GRK3: variants seen among roughly 807,000 people sequenced by gnomAD.
GRK3 encodes G protein-coupled receptor kinase 3.
GRK3 carries 54 observed loss-of-function variants against 95.7 expected under a neutral mutation model. The observed-to-expected ratio is 0.56, with a 90% CI of 0.45 to 0.71. The LOEUF (loss-of-function observed/expected upper bound fraction) is 0.71. GRK3 is among the 30% of genes least tolerant of loss of function. The probability of loss-of-function intolerance (pLI) is 0.00; values close to 1 mark genes in which losing one functional copy is unlikely to be tolerated. For synonymous variants in GRK3, 281 were observed against 290.8 expected, an observed-to-expected ratio of 0.97 and a Z score of 0.34; for missense variants, 649 against 851.2, an observed-to-expected ratio of 0.76 and a Z score of 2.96.
At chr22:25,693,398 C>T (rs771478845) in intron 12 of GRK3, among the ~76,000 whole-genome samples, 5 of 152,176 alleles carry the variant, frequency 3.3e-5, no homozygotes, top group Non-Finnish European at 7.3e-5. Flanking sequence ...TTGTAGATAT[C>T]TTTCCATTCC....
intron 19 of GRK3, among the ~76,000 whole-genome samples, chr22:25,720,920 A>G (rs754105666): frequency 6.6e-6 from 1 of 152,214 alleles, no homozygotes; most frequent in African/African-American, 2.4e-5. Context: ...TTTGGCTCAC[A>G]TAAATCATAT....
chr22:25,654,687 G>A (rs548429102), intron 3 of GRK3, among the ~76,000 whole-genome samples: 2 of 152,202 alleles, frequency 1.3e-5, no homozygotes, highest in African/African-American at 2.4e-5. Flanking sequence ...GTCAAACACA[G>A]AGAAATCTCC....
rs1016299936 is a variant in GRK3 at position 25,724,529 on chromosome 22, A to G, written c.*2079A>G. 3.3e-5 allele frequency: 5 copies of G among 152,242 alleles called. No homozygotes were observed. Among genetic ancestry groups the G allele is most frequent in the African/African-American group, 1.2e-4 (5 of 41,462 alleles). 9.4% of individuals were successfully genotyped at this position (152,242 alleles called of 1,614,324 possible). On this transcript the variant is annotated 3_prime_UTR_variant, in exon 21 of 21. Coordinates refer to ENST00000324198, the MANE Select transcript of GRK3 (RefSeq NM_005160.4). ...ACTCCCTTTTAGAAAAGATATATGA[A>G]TTGGAAAATGCTCTGAAAGTCCTTT...
intron 6 of GRK3, 81 bp from the exon 7 acceptor site, chr22:25,672,215 C>T: frequency 1.4e-6 from 1 of 699,400 alleles, no homozygotes; most frequent in Non-Finnish European, 2.4e-6. Flanking sequence ...TAATGCCGTT[C>T]TAGTCTGTCT....
chr22:25,707,952 C>A (rs1055834559), intron 15 of GRK3, among the ~76,000 whole-genome samples: 1 of 152,030 alleles, frequency 6.6e-6, no homozygotes, highest in Non-Finnish European at 1.5e-5. Flanking sequence ...GGAATCACCA[C>A]CCCGGCCAGG....
At chr22:25,623,677 C>G (rs776740008) in intron 2 of GRK3, among the ~76,000 whole-genome samples, 1 of 152,116 alleles carries the variant, frequency 6.6e-6, no homozygotes, top group Non-Finnish European at 1.5e-5. Flanking sequence ...CACCTGGTGT[C>G]CTTTCCTCCC....
chr22:25,705,294 C>G (rs967454828), intron 15 of GRK3, among the ~76,000 whole-genome samples: 1 of 152,108 alleles, frequency 6.6e-6, no homozygotes, highest in Non-Finnish European at 1.5e-5. Context: ...ATGCTTAACC[C>G]GGTCTTGCCT....
At chr22:25,576,911 TAATA>T (rs1931922277) in intron 1 of GRK3, among the ~76,000 whole-genome samples, 1 of 152,196 alleles carries the variant, frequency 6.6e-6, no homozygotes, top group East Asian at 1.9e-4. Context: ...GTTAACTTAA[TAATA>T]AATACATTAA....
chr22:25,626,840 C>T (rs2084632022), intron 2 of GRK3, among the ~76,000 whole-genome samples: 2 of 152,208 alleles, frequency 1.3e-5, no homozygotes, highest in South Asian at 4.1e-4. Flanking sequence ...GGCAGTGGCA[C>T]CCATACCACC....
At chr22:25,589,903 A>G (rs1393990353) in intron 1 of GRK3, among the ~76,000 whole-genome samples, 1 of 151,450 alleles carries the variant, frequency 6.6e-6, no homozygotes, top group Non-Finnish European at 1.5e-5. Context: ...GTGCAGGGGA[A>G]CTCCCCTTTA....
At chr22:25,575,809 G>A (rs1199309577) in intron 1 of GRK3, among the ~76,000 whole-genome samples, 1 of 152,234 alleles carries the variant, frequency 6.6e-6, no homozygotes, top group Non-Finnish European at 1.5e-5. Flanking sequence ...TTTGAGGACA[G>A]CTGGTTTTCT....
At position 25,595,000 on chromosome 22, in the gene GRK3, A is replaced by G. The variant is rs367772132; in HGVS notation, c.114-9377A>G. ...TCATGTTAAAAATCCTGAACAAACT[A>G]GATATTGAAGGGACATACCTCAAAA... On this transcript the variant is annotated intron_variant, in intron 1 of 20. Transcript: ENST00000324198. Among the ~76,000 whole-genome samples, 5 of 152,340 alleles carry G rather than the reference A, an allele frequency of 3.3e-5. No homozygotes were observed. In the South Asian group the frequency reaches 1.0e-3, roughly 32 times the overall value.
intron 8 of GRK3, among the ~76,000 whole-genome samples, chr22:25,675,577 G>A (rs1468815082): frequency 3.9e-5 from 6 of 152,206 alleles, no homozygotes; most frequent in Non-Finnish European, 7.3e-5. Context: ...TGTTAGAGCA[G>A]TGGGCTTGGT....
rs114859989 is a variant in GRK3 at position 25,648,113 on chromosome 22, G to A, written c.264+3448G>A. 2.5e-3 allele frequency: 1,473 copies of A among 587,996 alleles called. 17 individuals carry two copies. Among genetic ancestry groups the A allele is most frequent in the African/African-American group, 0.024 (1,280 of 53,582 alleles). 36.4% of individuals were successfully genotyped at this position (587,996 alleles called of 1,614,324 possible). On this transcript the variant is annotated intron_variant, in intron 3 of 20. Transcript: ENST00000324198. Reference sequence around the variant, plus strand: ...CCTCGGCGACAAGAGCAAAAACTCCGTCTAAAAAACAAATAAGCAAACAGA... The same window carrying A: ...CCTCGGCGACAAGAGCAAAAACTCCATCTAAAAAACAAATAAGCAAACAGA...
intron 2 of GRK3, among the ~76,000 whole-genome samples, chr22:25,632,641 T>C (rs1027160898): frequency 5.9e-5 from 9 of 152,222 alleles, no homozygotes; most frequent in African/African-American, 2.2e-4. Flanking sequence ...TACAATTTTA[T>C]AGTTTGAAGA....
chr22:25,635,036 G>A (rs866649490), intron 2 of GRK3, among the ~76,000 whole-genome samples: 8 of 152,108 alleles, frequency 5.3e-5, no homozygotes, highest in Non-Finnish European at 5.9e-5. Flanking sequence ...TCCAACTTGC[G>A]GCCCGCGGGC....
At chr22:25,646,514 C>A (rs951958058) in intron 3 of GRK3, among the ~76,000 whole-genome samples, 27 of 152,112 alleles carry the variant, frequency 1.8e-4, no homozygotes, top group African/African-American at 6.3e-4. Context: ...TGAAAGACAG[C>A]AGCTAACAGA....
At chr22:25,639,597 G>T (rs184351480) in intron 2 of GRK3, among the ~76,000 whole-genome samples, 65 of 152,214 alleles carry the variant, frequency 4.3e-4, no homozygotes, top group African/African-American at 1.4e-3. Context: ...ATTGGATAGC[G>T]TTAAGGCTTT....
intron 1 of GRK3, chr22:25,581,228 A>G (rs1210850078): frequency 6.6e-6 from 1 of 152,210 alleles, no homozygotes; most frequent in Non-Finnish European, 1.5e-5. Flanking sequence ...GGTGTTCACT[A>G]TATTATATCC....
Sources: allele counts gnomAD v4.1 joint callset (sites outside exome capture counted in the v4.1 genomes callset), GRCh38; gene constraint gnomAD v4.1.1; transcripts MANE v1.5; gene names NCBI Gene and HGNC (gene_info 2026-07-23, HGNC 2026-07-21).